Variants in EPN1 observed in about 807,000 individuals in gnomAD.
EPN1 encodes the protein epsin 1.
In EPN1, 25 loss-of-function variants were observed where a neutral mutation model predicts 56.9. The observed-to-expected ratio is 0.44, with a 90% CI of 0.32 to 0.61. The LOEUF is 0.61. EPN1 is among the 20% of genes least tolerant of loss of function. The pLI, the probability that EPN1 is intolerant of heterozygous loss-of-function variation, is 0.05. For missense variants in EPN1, 785 were observed against 823.7 expected (o/e 0.95, Z 0.58); for synonymous variants, 411 against 361.8 (o/e 1.14, Z -1.54).
At chr19:55,679,622 C>T (rs922133707) in intron 2 of EPN1, among the ~76,000 whole-genome samples, 1 of 152,294 alleles carries the variant, frequency 6.6e-6, no homozygotes, top group East Asian at 1.9e-4. Context: ...CCTGCTCTGG[C>T]GGAGGTCCCT....
At position 55,700,544 on chromosome 19, in the gene EPN1, G is replaced by GC. The variant is rs1431969542; in HGVS notation, c.*5190dup. 7.0e-6 allele frequency: 1 copy of GC among 143,420 alleles called. No individual in the cohort carries two copies. The highest frequency in any genetic ancestry group is 1.9e-4 in the East Asian group (1 of 5,178). The allele number at this position is 143,420 out of a possible 1,614,324, so 8.9% of individuals were successfully genotyped here. On this transcript the variant is annotated 3_prime_UTR_variant, in exon 11 of 11. Coordinates refer to ENST00000270460, the MANE Select transcript of EPN1 (RefSeq NM_001130072.2). ...CAAAGTGCTGGGATTACAGGCGTGAGCCACGGCACCCGGCCCATAATTACA... is the reference window on the plus strand; with the variant it reads ...CAAAGTGCTGGGATTACAGGCGTGAGCCCACGGCACCCGGCCCATAATTACA...
chr19:55,686,404 G>A (rs1389716312), intron 3 of EPN1, among the ~76,000 whole-genome samples: 1 of 152,118 alleles, frequency 6.6e-6, no homozygotes, highest in African/African-American at 2.4e-5. Flanking sequence ...GAGTGGAGGT[G>A]CCTCAGTTAG....
In EPN1 at chr19:55,685,575, C is replaced by T. The variant is rs767712908; in HGVS notation, c.408C>T (p.Asp136=). ...KAKQLVALLR[D]EDRLREERAH... ...AGCAGCTGGTGGCCCTGCTGCGCGACGAGGACCGGCTGCGGGAAGAGCGGG... is the reference window on the plus strand; with the variant it reads ...AGCAGCTGGTGGCCCTGCTGCGCGATGAGGACCGGCTGCGGGAAGAGCGGG... The change falls in exon 3 of 11, where the codon GAC becomes GAT. Residue 136 remains aspartate (D), a synonymous_variant. Coordinates refer to ENST00000270460, the MANE Select transcript of EPN1 (RefSeq NM_001130072.2). 3.8e-5 allele frequency: 61 copies of T among 1,609,722 alleles called. No homozygotes were observed. The East Asian group carries it at 4.7e-4, about 12-fold the overall frequency.
At chr19:55,687,728 C>T (rs1826600590) in intron 3 of EPN1, among the ~76,000 whole-genome samples, 1 of 152,168 alleles carries the variant, frequency 6.6e-6, no homozygotes, top group African/African-American at 2.4e-5. Flanking sequence ...TCAATCCCTG[C>T]TGGTTCTCTC....
chr19:55,679,956 G>A (rs1985700788), intron 2 of EPN1, among the ~76,000 whole-genome samples: 1 of 152,212 alleles, frequency 6.6e-6, no homozygotes, highest in Non-Finnish European at 1.5e-5. Context: ...CAGAGGGGAT[G>A]AATCCAGAGG....
intron 9 of EPN1, 60 bp downstream of exon 9, chr19:55,693,097 G>A (rs373670116): frequency 6.5e-7 from 1 of 1,527,854 alleles, no homozygotes. Context: ...CTCTTCGGGA[G>A]CCCCGTCCCT....
intron 1 of EPN1, among the ~76,000 whole-genome samples, chr19:55,678,314 C>G (rs148193316): frequency 2.4e-4 from 36 of 152,314 alleles, no homozygotes; most frequent in Non-Finnish European, 4.7e-4. Context: ...TGCGATCTGC[C>G]ACTGCATATA....
At chr19:55,685,726 C>G in intron 3 of EPN1, 81 bp downstream of exon 3, 1 of 1,501,526 alleles carries the variant, frequency 6.7e-7, no homozygotes, top group Non-Finnish European at 8.9e-7. Flanking sequence ...CCGCCCACTG[C>G]TTTCTCTCCC....
In EPN1 at chr19:55,689,091, C is replaced by G; in HGVS notation, c.603+97C>G. On this transcript the variant is annotated intron_variant, in intron 4 of 10. Transcript: ENST00000270460. The surrounding 1 kb of genome is among the most constrained non-coding windows in gnomAD (Gnocchi z 5.7). ...CAGGCGTGGGCCTGGCCCTCACTGT[C>G]GCTGCTCCACATGCTGTCACTCGTC... 1 of 1,436,530 alleles carries G rather than the reference C, an allele frequency of 7.0e-7. No individual in the cohort carries two copies. The highest frequency in any genetic ancestry group is 9.2e-7 in the Non-Finnish European group (1 of 1,083,522). 89.0% of individuals were successfully genotyped at this position (1,436,530 alleles called of 1,614,324 possible).
Position 55,704,017 on chromosome 19 carries a change from CCT to C in EPN1, c.*8663_*8664del, listed in dbSNP as rs1987272802. ...AGACTATCAACCGAGGTATTCAGTC[CCT>C]CGGAAACCCAGTTCCTCCGTTTCCA... On this transcript the variant is annotated 3_prime_UTR_variant, in exon 11 of 11. Coordinates refer to ENST00000270460, the MANE Select transcript of EPN1 (RefSeq NM_001130072.2). The C allele has an allele frequency of 6.6e-6, 1 of 152,152 alleles. No homozygotes were observed. The highest frequency in any genetic ancestry group is 1.5e-5 in the Non-Finnish European group (1 of 68,026). 9.4% of individuals were successfully genotyped at this position (152,152 alleles called of 1,614,324 possible).
At chr19:55,692,602 C>T (rs1481794457) in intron 7 of EPN1, 84 bp from the exon 8 acceptor site, 7 of 911,208 alleles carry the variant, frequency 7.7e-6, no homozygotes, top group Non-Finnish European at 9.7e-6. Flanking sequence ...GTGTGAACAG[C>T]CACAGATTTG....
chr19:55,693,569 C>G (rs1200653226), intron 9 of EPN1, among the ~76,000 whole-genome samples: 3 of 152,242 alleles, frequency 2.0e-5, no homozygotes, highest in African/African-American at 4.8e-5. Flanking sequence ...CTGCTGAGTC[C>G]TGAGTGGCTC....
In EPN1 at chr19:55,706,283, CT is replaced by C. The variant is rs933101353; in HGVS notation, c.*10943del. ...CTTCCTTTCTTCTCTTTTTCTTCTTCTTTTTTTTTTTTTTTTAAAAGACCGT... is the reference window on the plus strand; with the variant it reads ...CTTCCTTTCTTCTCTTTTTCTTCTTCTTTTTTTTTTTTTTTAAAAGACCGT... On this transcript the variant is annotated 3_prime_UTR_variant, in exon 11 of 11. Transcript: ENST00000270460. 3.8e-3 allele frequency: 450 copies of C among 118,424 alleles called. 1 individual carries two copies. The highest frequency in any genetic ancestry group is 9.3e-3 in the Middle Eastern group (2 of 216). 7.3% of individuals were successfully genotyped at this position (118,424 alleles called of 1,614,324 possible). A position where few individuals can be genotyped will look rare whatever the true frequency, so the allele number is the denominator to read the frequency against.
chr19:55,689,042 C>A lies in EPN1; in HGVS notation c.603+48C>A. ...TGTCTGTCCGCCACCCGCCTCCACG[C>A]CTCACTTCAGGCTCCCTCCCAGCCA... On this transcript the variant is annotated intron_variant, in intron 4 of 10. Transcript: ENST00000270460. This position sits in a 1 kb window ranked among gnomAD's most constrained non-coding sequence, Gnocchi z 5.7. 1 of 1,539,866 alleles carries A rather than the reference C, an allele frequency of 6.5e-7. No homozygotes were observed. Among genetic ancestry groups the A allele is most frequent in the Non-Finnish European group, 8.7e-7 (1 of 1,146,720 alleles).
chr19:55,688,130 G>A (rs902498418), intron 3 of EPN1, among the ~76,000 whole-genome samples: 1 of 152,194 alleles, frequency 6.6e-6, no homozygotes, highest in African/African-American at 2.4e-5. Context: ...CCTGTGCTCG[G>A]CGGGCCTAGG....
intron 2 of EPN1, among the ~76,000 whole-genome samples, chr19:55,683,829 C>A (rs550208706): frequency 6.6e-6 from 1 of 152,244 alleles, no homozygotes; most frequent in African/African-American, 2.4e-5. Context: ...ATCCGTTCGG[C>A]ACAAAGTCTG....
At chr19:55,679,139 C>CCTCACAG (rs1275988315) in intron 2 of EPN1, among the ~76,000 whole-genome samples, 1 of 152,232 alleles carries the variant, frequency 6.6e-6, no homozygotes, top group African/African-American at 2.4e-5. Context: ...GCCCAGACAC[C>CCTCACAG]CAGTTCCTTT....
At chr19:55,692,147 C>G in intron 7 of EPN1, 90 bp downstream of exon 7, 1 of 1,287,522 alleles carries the variant, frequency 7.8e-7, no homozygotes. Context: ...CAGATCGAGC[C>G]AGTGGCGCCG....
chr19:55,699,207 C>G lies in EPN1; in HGVS notation c.*3851C>G, dbSNP rs751007133. The G allele has an allele frequency of 6.6e-6, 1 of 152,216 alleles. No homozygotes were observed. The highest frequency in any genetic ancestry group is 1.5e-5 in the Non-Finnish European group (1 of 68,064). 9.4% of individuals were successfully genotyped at this position (152,216 alleles called of 1,614,324 possible). ...TATCTCCTAATGCCTTCCCTCCCGCCTCCCCCAGGCCCTTAGTTTGTGCTG... is the reference window on the plus strand; with the variant it reads ...TATCTCCTAATGCCTTCCCTCCCGCGTCCCCCAGGCCCTTAGTTTGTGCTG... On this transcript the variant is annotated 3_prime_UTR_variant, in exon 11 of 11. Transcript: ENST00000270460.
Sources: allele counts gnomAD v4.1 joint callset (sites outside exome capture counted in the v4.1 genomes callset), GRCh38; gene constraint gnomAD v4.1.1; non-coding constraint Gnocchi (gnomAD v3.1); transcripts MANE v1.5; gene names NCBI Gene and HGNC (gene_info 2026-07-23, HGNC 2026-07-21).